The following SEMA4A variants were observed in gnomAD, a reference collection of about 807,000 sequenced individuals.
SEMA4A encodes semaphorin 4A, also known as semaphorin-4A.
In SEMA4A, 52 loss-of-function variants were observed where a neutral mutation model predicts 72.5. That is an observed-to-expected ratio of 0.72 (90% CI 0.57 to 0.90). SEMA4A has a LOEUF of 0.90. Ranked by LOEUF, SEMA4A falls within the 40% of genes least tolerant of loss-of-function variation. SEMA4A has a pLI of 0.00. For missense variants in SEMA4A, 926 were observed against 959.7 expected (o/e 0.96, Z 0.46); for synonymous variants, 369 against 393.1 (o/e 0.94, Z 0.73).
chr1:156,176,513 C>T lies in SEMA4A; in HGVS notation c.1802C>T (p.Ala601Val). Reference protein sequence around the residue: ...WSHGPAAVPEASSTVYNGSLL... With the variant: ...WSHGPAAVPEVSSTVYNGSLL... ...CATGGCCCAGCAGCAGTCCCAGAAG[C>T]CTCTTCCACTGTCTACAATGGCTCC... Residue 601 changes from alanine (A) to valine (V), a missense_variant, in exon 15 of 15, where the codon GCC (alanine) becomes GTC (valine). Coordinates refer to ENST00000368285, the MANE Select transcript of SEMA4A (RefSeq NM_022367.4). 1 of 1,614,158 alleles carries T rather than the reference C, an allele frequency of 6.2e-7. No homozygotes were observed. The highest frequency in any genetic ancestry group is 8.5e-7 in the Non-Finnish European group (1 of 1,180,020).
Position 156,176,838 on chromosome 1 carries a change from A to T in SEMA4A, c.2127A>T (p.Ala709=). 1 of 1,614,106 alleles carries T rather than the reference A, an allele frequency of 6.2e-7. No homozygotes were observed. The highest frequency in any genetic ancestry group is 8.5e-7 in the Non-Finnish European group (1 of 1,179,996). ...TCCTCGTGGCCTCCCCATTGAGAGC[A>T]CTCCGGGCTCGGGGCAAGGTTCAGG... ...LIILVASPLR[A]LRARGKVQGC... is the part of the protein sequence containing the mutation. Residue 709 remains alanine (A), a synonymous_variant, in exon 15 of 15, where the codon GCA becomes GCT. Coordinates refer to ENST00000368285, the MANE Select transcript of SEMA4A (RefSeq NM_022367.4).
intron 7 of SEMA4A, 103 bp from the exon 8 acceptor site, chr1:156,160,802 C>T: frequency 1.3e-6 from 2 of 1,552,726 alleles, no homozygotes; most frequent in East Asian, 2.2e-5. Context: ...CCCGAGGAAG[C>T]CTGTGTGTCC....
Position 156,176,812 on chromosome 1 carries a change from A to T in SEMA4A, c.2101A>T (p.Ile701Phe). 6.2e-7 allele frequency: 1 copy of T among 1,614,040 alleles called. No homozygotes were observed. Among genetic ancestry groups the T allele is most frequent in the Non-Finnish European group, 8.5e-7 (1 of 1,179,864 alleles). Residue 701 changes from isoleucine (I) to phenylalanine (F), a missense_variant, in exon 15 of 15, where the codon ATC becomes TTC. Coordinates refer to ENST00000368285, the MANE Select transcript of SEMA4A (RefSeq NM_022367.4). ...CTTAGTGCTTTCAGGAGCCCTCATC[A>T]TCCTCGTGGCCTCCCCATTGAGAGC... is the stretch of plus-strand genomic sequence containing the variant. ...FALVLSGALI[I>F]LVASPLRALR... is the part of the protein sequence containing the mutation.
At chr1:156,173,221 G>A (rs1654972895) in intron 11 of SEMA4A, among the ~76,000 whole-genome samples, 1 of 152,240 alleles carries the variant, frequency 6.6e-6, no homozygotes, top group Non-Finnish European at 1.5e-5. Context: ...GGTGGGGGAG[G>A]CAGACAGGGA....
In SEMA4A at chr1:156,157,958, AC is replaced by A; in HGVS notation, c.301-110del. 1 of 1,061,856 alleles carries A rather than the reference AC, an allele frequency of 9.4e-7. No homozygotes were observed. The highest frequency in any genetic ancestry group is 1.4e-6 in the Non-Finnish European group (1 of 695,662). The allele number at this position is 1,061,856 out of a possible 1,614,324, so 65.8% of individuals were successfully genotyped here. On this transcript the variant is annotated intron_variant, in intron 3 of 14. Transcript: ENST00000368285. The surrounding 1 kb of genome is among the most constrained non-coding windows in gnomAD (Gnocchi z 4.5). ...ATTACTGCCCATCAGCATGTCACTA[AC>A]CACCATGTCTGCTGGTTATTTCACA...
At position 156,154,623 on chromosome 1, in the gene SEMA4A, C is replaced by T. The variant is rs754087890; in HGVS notation, c.45C>T (p.Gly15=). The T allele has an allele frequency of 1.1e-5, 18 of 1,610,386 alleles. No individual in the cohort carries two copies. In the South Asian group the frequency reaches 1.6e-4, roughly 14 times the overall value. The change falls in exon 2 of 15, where the codon GGC becomes GGT. Residue 15 remains glycine, a synonymous_variant. Coordinates refer to ENST00000368285, the MANE Select transcript of SEMA4A (RefSeq NM_022367.4). ...ALGLDPWSLL[G]LFLFQLLQLL... is the part of the protein sequence containing the mutation. The stretch of plus-strand genomic sequence containing the variant: ...GCCTGGACCCCTGGAGCCTCCTGGG[C>T]CTTTTCCTCTTCCAACTGCTTCAGC...
chr1:156,151,217 A>T (rs946641480), upstream of SEMA4A, among the ~76,000 whole-genome samples: 3 of 152,230 alleles, frequency 2.0e-5, no homozygotes, highest in African/African-American at 7.2e-5. Flanking sequence ...GAGGACTTTC[A>T]ACAGAGCAAC....
intron 5 of SEMA4A, 33 bp from the exon 6 acceptor site, chr1:156,158,686 C>A (rs1261366334): frequency 3.2e-6 from 5 of 1,538,606 alleles, no homozygotes; most frequent in Non-Finnish European, 3.6e-6. Context: ...GAGACCTTGG[C>A]GTTCTGGCCC....
At chr1:156,169,206 A>G (rs1448374024) in intron 10 of SEMA4A, among the ~76,000 whole-genome samples, 1 of 152,028 alleles carries the variant, frequency 6.6e-6, no homozygotes, top group African/African-American at 2.4e-5. Flanking sequence ...TAATTCGTGA[A>G]CTTTAGGAAT....
chr1:156,172,092 G>GTTTATTAA (rs778643587), intron 10 of SEMA4A, among the ~76,000 whole-genome samples: 1 of 143,850 alleles, frequency 7.0e-6, no homozygotes, highest in Non-Finnish European at 1.5e-5. Context: ...CTGTTTGTTT[G>GTTTATTAA]TTTGTTTATT....
chr1:156,177,402 A>C lies in SEMA4A; in HGVS notation c.*405A>C. 1 of 288,924 alleles carries C rather than the reference A, an allele frequency of 3.5e-6. No homozygotes were observed. The highest frequency in any genetic ancestry group is 6.8e-6 in the Non-Finnish European group (1 of 147,952). The allele number at this position is 288,924 out of a possible 1,614,324, so 17.9% of individuals were successfully genotyped here. A position where few individuals can be genotyped will look rare whatever the true frequency, so the allele number is the denominator to read the frequency against. ...AACATCTAAACAATCATATGCTAAC[A>C]TGCCACTCCTGGAAACTCCACTCTG... On this transcript the variant is annotated 3_prime_UTR_variant, in exon 15 of 15. Coordinates refer to ENST00000368285, the MANE Select transcript of SEMA4A (RefSeq NM_022367.4).
Position 156,176,948 on chromosome 1 carries a change from C to T in SEMA4A, c.2237C>T (p.Ala746Val), listed in dbSNP as rs1480640971. 1.9e-6 allele frequency: 3 copies of T among 1,613,764 alleles called. No individual in the cohort carries two copies. Among genetic ancestry groups the T allele is most frequent in the Admixed American group, 1.7e-5 (1 of 60,036 alleles). ...LQSPKECRTS[A>V]SDVDADNNCL... ...TCTCCCAAGGAATGCAGGACCTCTG[C>T]CAGTGATGTGGACGCTGACAACAAC... Residue 746 changes from alanine (A) to valine (V), a missense_variant, in exon 15 of 15, where the codon GCC becomes GTC. Coordinates refer to ENST00000368285, the MANE Select transcript of SEMA4A (RefSeq NM_022367.4).
At chr1:156,159,031 C>CCA in intron 6 of SEMA4A, 2 of 286,318 alleles carry the variant, frequency 7.0e-6, no homozygotes, top group Non-Finnish European at 1.3e-5. Flanking sequence ...GAGATCGTCT[C>CCA]AAAAAAAAAA....
chr1:156,165,354 T>C (rs550815675), intron 10 of SEMA4A, among the ~76,000 whole-genome samples: 1 of 151,322 alleles, frequency 6.6e-6, no homozygotes, highest in Admixed American at 6.6e-5. Flanking sequence ...GGCTTCCTCT[T>C]TTTTTTTTCT....
chr1:156,173,831 T>C (rs1253978057), intron 11 of SEMA4A, among the ~76,000 whole-genome samples: 2 of 152,064 alleles, frequency 1.3e-5, no homozygotes, highest in African/African-American at 2.4e-5. Context: ...CATTGTGGGC[T>C]GGGCACAGTG....
At chr1:156,161,082 A>G in intron 8 of SEMA4A, 53 bp downstream of exon 8, 1 of 1,537,768 alleles carries the variant, frequency 6.5e-7, no homozygotes, top group Non-Finnish European at 8.8e-7. Flanking sequence ...CAATAGGGAG[A>G]TGGCAGGGGC....
intron 11 of SEMA4A, 34 bp downstream of exon 11, chr1:156,173,040 A>C: frequency 6.2e-7 from 1 of 1,603,374 alleles, no homozygotes; most frequent in Non-Finnish European, 8.5e-7. Flanking sequence ...CCCCCAGAGG[A>C]CTAGAGCAGA....
chr1:156,151,388 G>T (rs2102921894), upstream of SEMA4A, among the ~76,000 whole-genome samples: 1 of 152,348 alleles, frequency 6.6e-6, no homozygotes, highest in African/African-American at 2.4e-5. Flanking sequence ...GGTGTGAGGG[G>T]TGCACTGCTG....
At chr1:156,148,464 C>T (rs970621006), upstream of SEMA4A, among the ~76,000 whole-genome samples, 15 of 152,204 alleles carry the variant, frequency 9.9e-5, no homozygotes, top group African/African-American at 3.6e-4. Context: ...TGCTTCACCA[C>T]AAAGCAAATG....
Sources: allele counts gnomAD v4.1 joint callset (sites outside exome capture counted in the v4.1 genomes callset), GRCh38; gene constraint gnomAD v4.1.1; non-coding constraint Gnocchi (gnomAD v3.1); transcripts MANE v1.5; gene names NCBI Gene and HGNC (gene_info 2026-07-23, HGNC 2026-07-21).